Variants in POLI observed in about 807,000 individuals in gnomAD.
The protein encoded by POLI is RAD30 homolog B.
In POLI, 58 loss-of-function variants were observed where a neutral mutation model predicts 51.6. That is an observed-to-expected ratio of 1.12 (90% confidence interval 0.91 to 1.40). The LOEUF (loss-of-function observed/expected upper bound fraction) is 1.40, where lower values mean the gene tolerates loss of function less well. Among genes scored for constraint, POLI ranks in the 40% most tolerant of loss-of-function variants. POLI has a pLI of 0.00. For missense variants in POLI, 921 were observed against 871.3 expected (o/e 1.06, Z -0.72); for synonymous variants, 322 against 299.7 (o/e 1.07, Z -0.77).
downstream of POLI, among the ~76,000 whole-genome samples, chr18:54,303,206 C>T (rs2088521912): frequency 6.6e-6 from 1 of 152,154 alleles, no homozygotes; most frequent in South Asian, 2.1e-4. Flanking sequence ...CTAGAATCTG[C>T]CCTTCCCACT....
At position 54,292,056 on chromosome 18, in the gene POLI, T is replaced by C; in HGVS notation, c.1404+18T>C. On this transcript the variant is annotated intron_variant, in intron 9 of 9. Transcript: ENST00000579534. ...ACAGTTTTGTAAGTACACTCTTTTT[T>C]GTTCAGTTTTCTAAGTATACTCTTA... The C allele has an allele frequency of 2.7e-6, 4 of 1,495,670 alleles. No individual in the cohort carries two copies. The highest frequency in any genetic ancestry group is 3.7e-6 in the Non-Finnish European group (4 of 1,078,420). 92.6% of individuals were successfully genotyped at this position (1,495,670 alleles called of 1,614,324 possible). A position where few individuals can be genotyped will look rare whatever the true frequency, so the allele number is the denominator to read the frequency against.
At chr18:54,277,996 A>G (rs1646677767) in intron 4 of POLI, 141 bp downstream of exon 4, 3 of 618,904 alleles carry the variant, frequency 4.8e-6, no homozygotes, top group Non-Finnish European at 8.2e-6. Flanking sequence ...TCTGTCTAGG[A>G]CAGCTAAAAT....
At chr18:54,314,829 G>C (rs1163502211) in intron 3 of POLI, among the ~76,000 whole-genome samples, 1 of 151,988 alleles carries the variant, frequency 6.6e-6, no homozygotes, top group Non-Finnish European at 1.5e-5. Context: ...GTTTATTTCT[G>C]ATTGTGTTTA....
chr18:54,270,865 T>A (rs2086975070), intron 1 of POLI: 1 of 152,580 alleles, frequency 6.6e-6, no homozygotes, highest in South Asian at 2.1e-4. Context: ...AACCAGATAA[T>A]CCTGCTGCCA....
intron 4 of POLI, among the ~76,000 whole-genome samples, chr18:54,278,601 A>G (rs1236072173): frequency 6.6e-6 from 1 of 152,182 alleles, no homozygotes; most frequent in Non-Finnish European, 1.5e-5. Flanking sequence ...CCAAGCTCCT[A>G]TTTAATCTGT....
chr18:54,288,713 C>T (rs1035003737), intron 8 of POLI, among the ~76,000 whole-genome samples: 8 of 151,670 alleles, frequency 5.3e-5, no homozygotes, highest in Non-Finnish European at 7.4e-5. Context: ...ATTCATCTGT[C>T]ATCTCATAAC....
chr18:54,279,241 CTTTTTTTTTTTT>C (rs769828054), intron 4 of POLI, among the ~76,000 whole-genome samples: 1 of 119,118 alleles, frequency 8.4e-6, no homozygotes, highest in African/African-American at 3.3e-5. Flanking sequence ...TATGTCTTTT[CTTTTTTTTTTTT>C]TTTTTTTGAG....
At chr18:54,301,722 G>GAA (rs2088494180), downstream of POLI, among the ~76,000 whole-genome samples, 1 of 152,062 alleles carries the variant, frequency 6.6e-6, no homozygotes, top group Non-Finnish European at 1.5e-5. Context: ...GAGACTGCTG[G>GAA]GCTCTCTCTG....
Position 54,294,049 on chromosome 18 carries a change from C to G in POLI, c.1805C>G (p.Pro602Arg). ...KQVSSVSPCE[P>R]GTSGFNSSSS... ...GTATCCTCTGTATCTCCTTGTGAAC[C>G]GGGAACATCAGGCTTTAATAGCAGT... Residue 602 changes from proline to arginine, a missense_variant, in exon 10 of 10, where the codon CCG (proline) becomes CGG (arginine). Pro to Arg is a moderately radical substitution (Grantham distance 103, BLOSUM62 -2). Transcript: ENST00000579534. 1 of 1,613,004 alleles carries G rather than the reference C, an allele frequency of 6.2e-7. No individual in the cohort carries two copies. Among genetic ancestry groups the G allele is most frequent in the Non-Finnish European group, 8.5e-7 (1 of 1,179,152 alleles).
chr18:54,271,451 G>C lies in POLI; in HGVS notation c.207G>C (p.Met69Ile), dbSNP rs2086997775. The C allele has an allele frequency of 6.2e-7, 1 of 1,608,526 alleles. No individual in the cohort carries two copies. The highest frequency in any genetic ancestry group is 8.5e-7 in the Non-Finnish European group (1 of 1,175,834). Residue 69 changes from methionine to isoleucine, a missense_variant, in exon 2 of 10, where the codon ATG (methionine) becomes ATC (isoleucine). Physicochemically the swap from Met to Ile is conservative, Grantham distance 10. Coordinates refer to ENST00000579534, the MANE Select transcript of POLI (RefSeq NM_007195.3). Reference sequence around the variant, plus strand: ...ATTGCTTTTATGCACAAGTAGAAATGATCTCAAATCCAGAGCTAAAAGACA... The same window carrying C: ...ATTGCTTTTATGCACAAGTAGAAATCATCTCAAATCCAGAGCTAAAAGACA... ...DLDCFYAQVE[M>I]ISNPELKDKP...
chr18:54,283,956 C>T lies in POLI; in HGVS notation c.1010C>T (p.Ser337Leu), dbSNP rs768997528. The part of the protein sequence containing the change: ...FSEEDSFKKC[S>L]SEVEAKNKIE... The stretch of plus-strand genomic sequence containing the variant: ...GAAGAAGATTCATTTAAAAAATGTT[C>T]ATCTGAAGTTGAAGCTAAAAATAAG... Residue 337 changes from serine to leucine, a missense_variant, in exon 7 of 10, where the codon TCA (serine) becomes TTA (leucine). Physicochemically the swap from Ser to Leu is moderately radical, Grantham distance 145. Coordinates refer to ENST00000579534, the MANE Select transcript of POLI (RefSeq NM_007195.3). 2 of 1,456,076 alleles carry T rather than the reference C, an allele frequency of 1.4e-6. No homozygotes were observed. Among genetic ancestry groups the T allele is most frequent in the Non-Finnish European group, 9.6e-7 (1 of 1,045,444 alleles). The allele number at this position is 1,456,076 out of a possible 1,614,324, so 90.2% of individuals were successfully genotyped here. A position where few individuals can be genotyped will look rare whatever the true frequency, so the allele number is the denominator to read the frequency against.
At chr18:54,279,025 G>T (rs2087375399) in intron 4 of POLI, among the ~76,000 whole-genome samples, 1 of 152,112 alleles carries the variant, frequency 6.6e-6, no homozygotes, top group African/African-American at 2.4e-5. Flanking sequence ...GGGCTAACTA[G>T]CAAGAATATT....
rs1235907691 is a variant in POLI, at chr18:54,297,381, G to A, written c.*2914G>A. The A allele has an allele frequency of 2.0e-6, 2 of 983,404 alleles. No individual in the cohort carries two copies. The highest frequency in any genetic ancestry group is 2.4e-6 in the Non-Finnish European group (2 of 828,622). The allele number at this position is 983,404 out of a possible 1,614,324, so 60.9% of individuals were successfully genotyped here. A position where few individuals can be genotyped will look rare whatever the true frequency, so the allele number is the denominator to read the frequency against. On this transcript the variant is annotated 3_prime_UTR_variant, in exon 10 of 10. Coordinates refer to ENST00000579534, the MANE Select transcript of POLI (RefSeq NM_007195.3). ...CTCTCTTGAGTGTATAGTGTAGAGGGGGTTTCTGTCTTGAGTGTAGGCCTG... is the reference window on the plus strand; with the variant it reads ...CTCTCTTGAGTGTATAGTGTAGAGGAGGTTTCTGTCTTGAGTGTAGGCCTG...
At position 54,280,769 on chromosome 18, in the gene POLI, G is replaced by C. The variant is rs2087461718; in HGVS notation, c.662G>C (p.Cys221Ser). 6.2e-7 allele frequency: 1 copy of C among 1,613,684 alleles called. No individual in the cohort carries two copies. ...TATAATCAGTTGGGGCTCACTGGCT[G>C]TGCTGGAGTGGCTTCTAATAAACTG... is the stretch of plus-strand genomic sequence containing the variant. ...AMYNQLGLTGCAGVASNKLLA... is the reference protein window; with the variant it reads ...AMYNQLGLTGSAGVASNKLLA... Residue 221 changes from cysteine to serine, a missense_variant, in exon 5 of 10, where the codon TGT becomes TCT. By Grantham distance (112) the Cys-to-Ser change is moderately radical. Transcript: ENST00000579534.
intron 3 of POLI, among the ~76,000 whole-genome samples, chr18:54,309,601 C>T (rs1316169659): frequency 6.6e-6 from 1 of 152,130 alleles, no homozygotes; most frequent in Non-Finnish European, 1.5e-5. Flanking sequence ...GGAGATGTCC[C>T]ATGTCTTCAG....
At chr18:54,281,050 G>T in intron 5 of POLI, 147 bp downstream of exon 5, 1 of 478,330 alleles carries the variant, frequency 2.1e-6, no homozygotes, top group Non-Finnish European at 3.6e-6. Flanking sequence ...TTGGTTCCTG[G>T]AAAAAACTAA....
In POLI at chr18:54,296,314, A is replaced by G; in HGVS notation, c.*1847A>G. ...AGTTAAAAATACATTTCATAGATTG[A>G]GAATGTACGGGCTATGTCACAGTTA... On this transcript the variant is annotated 3_prime_UTR_variant, in exon 10 of 10. Coordinates refer to ENST00000579534, the MANE Select transcript of POLI (RefSeq NM_007195.3). 3.0e-6 allele frequency: 3 copies of G among 984,790 alleles called. No homozygotes were observed. The highest frequency in any genetic ancestry group is 3.6e-6 in the Non-Finnish European group (3 of 829,360). 61.0% of individuals were successfully genotyped at this position (984,790 alleles called of 1,614,324 possible). A position where few individuals can be genotyped will look rare whatever the true frequency, so the allele number is the denominator to read the frequency against.
At chr18:54,290,464 T>C (rs914642488) in intron 8 of POLI, among the ~76,000 whole-genome samples, 9 of 152,116 alleles carry the variant, frequency 5.9e-5, no homozygotes, top group African/African-American at 1.7e-4. Flanking sequence ...TTTGACCCAG[T>C]GATCCCATTA....
intron 3 of POLI, among the ~76,000 whole-genome samples, chr18:54,275,361 CAT>C (rs3730709): frequency 0.35 from 53,127 of 151,928 alleles, 10,773 homozygotes; most frequent in East Asian, 0.68. Flanking sequence ...TACATAAAGA[CAT>C]ATGTACAACA....
Sources: allele counts gnomAD v4.1 joint callset (sites outside exome capture counted in the v4.1 genomes callset), GRCh38; gene constraint gnomAD v4.1.1; transcripts MANE v1.5; gene names NCBI Gene and HGNC (gene_info 2026-07-23, HGNC 2026-07-21).